The following CLASP2 variants were observed in gnomAD, a reference collection of about 807,000 sequenced individuals.
CLASP2 encodes CLIP-associating protein 2.
A neutral mutation model predicts 194.4 loss-of-function variants in CLASP2; 47 were observed. The observed-to-expected ratio is 0.24, with a 90% CI of 0.19 to 0.31. CLASP2 has a LOEUF of 0.31. Ranked by LOEUF, CLASP2 falls within the 10% of genes least tolerant of loss-of-function variation. The pLI, the probability that CLASP2 is intolerant of heterozygous loss-of-function variation, is 1.00. For missense variants in CLASP2, 1,445 were observed against 1,823.6 expected (o/e 0.79, Z 3.78); for synonymous variants, 619 against 633.5 (o/e 0.98, Z 0.34).
chr3:33,708,284 CTTT>C (rs751468783), intron 1 of CLASP2, among the ~76,000 whole-genome samples: 2 of 140,680 alleles, frequency 1.4e-5, no homozygotes, highest in African/African-American at 2.6e-5. Flanking sequence ...ATAAATTTGA[CTTT>C]TTTTTTTTTT....
chr3:33,673,293 T>G (rs1239554574), intron 6 of CLASP2, among the ~76,000 whole-genome samples: 6 of 152,330 alleles, frequency 3.9e-5, no homozygotes, highest in Non-Finnish European at 8.8e-5. Flanking sequence ...ATATTCAACA[T>G]TCTTAAAGAA....
chr3:33,506,832 T>C (rs2048380837), intron 37 of CLASP2, among the ~76,000 whole-genome samples: 1 of 152,222 alleles, frequency 6.6e-6, no homozygotes, highest in Non-Finnish European at 1.5e-5. Context: ...CTATTAAGTC[T>C]ACCTTTATGA....
chr3:33,692,884 A>AT (rs750092253), intron 2 of CLASP2, among the ~76,000 whole-genome samples: 23 of 151,590 alleles, frequency 1.5e-4, no homozygotes, highest in Admixed American at 7.9e-4. Flanking sequence ...AACTCTTAGT[A>AT]TTTTTTTTTC....
At chr3:33,614,020 A>G (rs963308353) in intron 12 of CLASP2, among the ~76,000 whole-genome samples, 13 of 152,226 alleles carry the variant, frequency 8.5e-5, no homozygotes, top group African/African-American at 2.4e-4. Flanking sequence ...CTTTATTAAT[A>G]TAAGTTGACA....
At chr3:33,536,701 A>C (rs1478666094) in intron 33 of CLASP2, among the ~76,000 whole-genome samples, 1 of 152,208 alleles carries the variant, frequency 6.6e-6, no homozygotes. Context: ...AAGGAGGCCA[A>C]ATTTTAATAA....
intron 8 of CLASP2, 87 bp from the exon 9 acceptor site, chr3:33,632,458 A>G: frequency 2.2e-6 from 2 of 890,226 alleles, no homozygotes; most frequent in Non-Finnish European, 1.7e-6. Context: ...AACTCTTTTG[A>G]TATCAACAAA....
intron 19 of CLASP2, among the ~76,000 whole-genome samples, chr3:33,595,490 A>T (rs1233520077): frequency 6.6e-6 from 1 of 152,090 alleles, no homozygotes; most frequent in African/African-American, 2.4e-5. Context: ...AATCCAATTC[A>T]TTAGCTATTT....
chr3:33,696,886 T>C lies in CLASP2; in HGVS notation c.243A>G (p.Leu81=). ...LEILSAFVDR[L]STRFKSYVAM... is the part of the protein sequence containing the mutation. ...CTACATAGGATTTAAAGCGTGTTGA[T>C]AATCTGTCCACAAAGGCACTTAAAA... Residue 81 remains leucine, a synonymous_variant, in exon 2 of 39, where the codon TTA becomes TTG. Coordinates refer to ENST00000682230, the MANE Select transcript of CLASP2 (RefSeq NM_001365631.1). 2 of 1,597,098 alleles carry C rather than the reference T, an allele frequency of 1.3e-6. No individual in the cohort carries two copies. The highest frequency in any genetic ancestry group is 1.7e-6 in the Non-Finnish European group (2 of 1,170,162).
chr3:33,688,225 T>C (rs2154346929), intron 4 of CLASP2, 52 bp downstream of exon 4: 1 of 1,411,090 alleles, frequency 7.1e-7, no homozygotes, highest in Non-Finnish European at 9.5e-7. Flanking sequence ...CTGAGGTTTT[T>C]TTTAGAGAAA....
At position 33,614,461 on chromosome 3, in the gene CLASP2, C is replaced by G. The variant is rs536450736; in HGVS notation, c.1318-2390G>C. 7.2e-5 allele frequency among the ~76,000 whole-genome samples: 11 copies of G among 152,040 alleles called. No homozygotes were observed. In the South Asian group the frequency reaches 2.1e-3, roughly 29 times the overall value. On this transcript the variant is annotated intron_variant, in intron 12 of 38. Transcript: ENST00000682230. Reference sequence around the variant, plus strand: ...AAAATTAACATAAATTTAAGATAACCAATTTCTGTCAAAAATCCTTGTCCA... The same window carrying G: ...AAAATTAACATAAATTTAAGATAACGAATTTCTGTCAAAAATCCTTGTCCA...
chr3:33,604,031 A>G lies in CLASP2; in HGVS notation c.1750+123T>C, dbSNP rs917221540. 35 of 694,174 alleles carry G rather than the reference A, an allele frequency of 5.0e-5. No homozygotes were observed. The East Asian group carries it at 9.2e-4, about 18-fold the overall frequency. The allele number at this position is 694,174 out of a possible 1,614,324, so 43.0% of individuals were successfully genotyped here. ...ACGTATACATATACAGGTACAGTGC[A>G]TATGTGTGGTACTGAGTTACCAAGT... is the stretch of plus-strand genomic sequence containing the variant. On this transcript the variant is annotated intron_variant, in intron 17 of 38. Transcript: ENST00000682230.
intron 8 of CLASP2, among the ~76,000 whole-genome samples, chr3:33,636,690 T>C (rs879854601): frequency 6.6e-6 from 1 of 152,192 alleles, no homozygotes; most frequent in Admixed American, 6.5e-5. Flanking sequence ...AACCTCCACC[T>C]CCTGGGTTCA....
At chr3:33,508,793 C>A (rs1007813224) in intron 37 of CLASP2, among the ~76,000 whole-genome samples, 1 of 152,192 alleles carries the variant, frequency 6.6e-6, no homozygotes, top group East Asian at 1.9e-4. Context: ...AACCAATAAT[C>A]TTCAAAGTTG....
intron 8 of CLASP2, among the ~76,000 whole-genome samples, chr3:33,634,246 C>A (rs1447988987): frequency 6.6e-6 from 1 of 152,082 alleles, no homozygotes; most frequent in South Asian, 2.1e-4. Context: ...GTGTACCTAG[C>A]AAAAGTAATT....
intron 7 of CLASP2, among the ~76,000 whole-genome samples, chr3:33,661,719 G>A (rs2085336993): frequency 6.6e-6 from 1 of 152,180 alleles, no homozygotes; most frequent in South Asian, 2.1e-4. Context: ...AACAAGTCTA[G>A]ACCTAACCCA....
intron 34 of CLASP2, among the ~76,000 whole-genome samples, chr3:33,530,039 G>GGC (rs1443039185): frequency 7.2e-4 from 108 of 150,968 alleles, no homozygotes; most frequent in African/African-American, 2.5e-3. Context: ...ACATGCATGG[G>GGC]GCTGTTATTT....
chr3:33,619,556 A>G (rs1174918126), intron 12 of CLASP2, 47 bp downstream of exon 12: 2 of 1,411,710 alleles, frequency 1.4e-6, no homozygotes, highest in Non-Finnish European at 1.9e-6. Flanking sequence ...AGAAGAAACA[A>G]AAGTGGGGGG....
chr3:33,537,112 C>T (rs897062665), intron 33 of CLASP2, among the ~76,000 whole-genome samples: 1 of 152,134 alleles, frequency 6.6e-6, no homozygotes, highest in Non-Finnish European at 1.5e-5. Context: ...TAGCTAATAA[C>T]TGCCAGGAAC....
At chr3:33,534,636 T>G (rs1288275826) in intron 34 of CLASP2, among the ~76,000 whole-genome samples, 1 of 152,176 alleles carries the variant, frequency 6.6e-6, no homozygotes, top group Admixed American at 6.5e-5. Flanking sequence ...CTTACCTGCA[T>G]CTTACTGCAC....
Sources: allele counts gnomAD v4.1 joint callset (sites outside exome capture counted in the v4.1 genomes callset), GRCh38; gene constraint gnomAD v4.1.1; transcripts MANE v1.5; gene names NCBI Gene and HGNC (gene_info 2026-07-23, HGNC 2026-07-21).